SLCO3A1: variants seen among roughly 807,000 people sequenced by gnomAD.
SLCO3A1 encodes the protein solute carrier organic anion transporter family member 3A1.
A neutral mutation model predicts 63.1 loss-of-function variants in SLCO3A1; 27 were observed. The ratio of observed to expected loss-of-function variants is 0.43; its 90% CI spans 0.32 to 0.59. The LOEUF (loss-of-function observed/expected upper bound fraction) is 0.59. Among genes scored for constraint, SLCO3A1 ranks in the 20% least tolerant of loss-of-function variants. The pLI, the probability that SLCO3A1 is intolerant of heterozygous loss-of-function variation, is 0.09. For synonymous variants in SLCO3A1, 473 were observed against 409.9 expected (o/e 1.15, Z -1.86); for missense variants, 773 against 945.8 (o/e 0.82, Z 2.40).
At chr15:92,171,861 G>A in exon 11 of SLCO3A1, 1 of 1,550,876 alleles carries the variant, frequency 6.4e-7, no homozygotes, top group Non-Finnish European at 8.7e-7. Context: ...GTGAGAAGCT[G>A]AGGGCCTGGC....
In SLCO3A1 at chr15:92,092,163, C is replaced by T. The variant is rs1348175090; in HGVS notation, c.647-2718C>T. Reference sequence around the variant, plus strand: ...AGTCCTCACTTTCAACTGTACTGTCCCCAAGCATGGGGATAACAGCACAGT... The same window carrying T: ...AGTCCTCACTTTCAACTGTACTGTCTCCAAGCATGGGGATAACAGCACAGT... On this transcript the variant is annotated intron_variant, in intron 2 of 9. Transcript: ENST00000318445. 2.6e-5 allele frequency among the ~76,000 whole-genome samples: 4 copies of T among 152,138 alleles called. No homozygotes were observed. In the East Asian group the frequency reaches 7.7e-4, roughly 29 times the overall value.
chr15:91,879,039 C>T lies in SLCO3A1; in HGVS notation c.180+24951C>T, dbSNP rs542304677. 2.0e-5 allele frequency among the ~76,000 whole-genome samples: 3 copies of T among 152,302 alleles called. No homozygotes were observed. In the South Asian group the frequency reaches 6.2e-4, roughly 32 times the overall value. On this transcript the variant is annotated intron_variant, in intron 1 of 9. Transcript: ENST00000318445. ...AAGTACGTGACTCTATTTTGAAAAT[C>T]AGCCTGTGATCTGCACACTTGCTTC...
chr15:92,041,375 T>G (rs1374158037), intron 2 of SLCO3A1, among the ~76,000 whole-genome samples: 1 of 152,168 alleles, frequency 6.6e-6, no homozygotes, highest in Non-Finnish European at 1.5e-5. Context: ...CTAGAAGCCC[T>G]TTTTTGGGAG....
chr15:91,853,713 C>CGCGGCG lies in SLCO3A1; in HGVS notation c.-180_-175dup, dbSNP rs58284139. 2.5e-4 allele frequency: 86 copies of CGCGGCG among 341,946 alleles called. 3 individuals carry two copies. The highest frequency in any genetic ancestry group is 1.2e-3 in the Middle Eastern group (1 of 814). The allele number at this position is 341,946 out of a possible 1,614,324, so 21.2% of individuals were successfully genotyped here. On this transcript the variant is annotated 5_prime_UTR_variant, in exon 1 of 10. Coordinates refer to ENST00000318445, the MANE Select transcript of SLCO3A1 (RefSeq NM_013272.4). ...GGGAGGAGGAGGAGGAAGGGGCGATCGCGGCGGCGGCGGCGGCGGCGAGGA... is the reference window on the plus strand; with the variant it reads ...GGGAGGAGGAGGAGGAAGGGGCGATCGCGGCGGCGGCGGCGGCGGCGGCGGCGAGGA...
intron 2 of SLCO3A1, among the ~76,000 whole-genome samples, chr15:92,081,347 T>TC (rs2151523919): frequency 1.3e-5 from 2 of 151,960 alleles, no homozygotes; most frequent in East Asian, 3.9e-4. Context: ...GGTGCTTTTT[T>TC]TTTTCTTTTT....
intron 2 of SLCO3A1, among the ~76,000 whole-genome samples, chr15:91,928,672 G>A (rs774729217): frequency 2.0e-5 from 3 of 152,354 alleles, no homozygotes; most frequent in East Asian, 1.9e-4. Flanking sequence ...GTATGAAATG[G>A]TGAGGCGTTT....
At position 91,854,242 on chromosome 15, in the gene SLCO3A1, C is replaced by T; in HGVS notation, c.180+154C>T. On this transcript the variant is annotated intron_variant, in intron 1 of 9. Coordinates refer to ENST00000318445, the MANE Select transcript of SLCO3A1 (RefSeq NM_013272.4). The surrounding 1 kb of genome is among the most constrained non-coding windows in gnomAD (Gnocchi z 6.4). ...TGGCGAGTGGTGCAGAGGCGGCCGC[C>T]GGGGGAGCTGCCGGCCGGGGCTGCC... 9.3e-7 allele frequency: 1 copy of T among 1,075,540 alleles called. No individual in the cohort carries two copies. The allele number at this position is 1,075,540 out of a possible 1,614,324, so 66.6% of individuals were successfully genotyped here.
intron 4 of SLCO3A1, among the ~76,000 whole-genome samples, chr15:92,110,665 T>C (rs1334342457): frequency 6.6e-6 from 1 of 152,220 alleles, no homozygotes; most frequent in East Asian, 1.9e-4. Context: ...AATTTTCCTT[T>C]ATATGTGTGA....
At chr15:92,028,028 A>G (rs1235662488) in intron 2 of SLCO3A1, among the ~76,000 whole-genome samples, 1 of 152,154 alleles carries the variant, frequency 6.6e-6, no homozygotes, top group African/African-American at 2.4e-5. Flanking sequence ...TCTTCCCTAG[A>G]ATTTCTGCCG....
intron 2 of SLCO3A1, among the ~76,000 whole-genome samples, chr15:92,026,037 T>C (rs1221964597): frequency 6.6e-6 from 1 of 152,244 alleles, no homozygotes; most frequent in Admixed American, 6.5e-5. Flanking sequence ...AGCGCATCCC[T>C]GAGAGCTCTG....
At position 92,095,501 on chromosome 15, in the gene SLCO3A1, C is replaced by T. The variant is rs567458937; in HGVS notation, c.745+522C>T. Among the ~76,000 whole-genome samples, 10 of 152,294 alleles carry T rather than the reference C, an allele frequency of 6.6e-5. No homozygotes were observed. The South Asian group carries it at 2.1e-3, about 32-fold the overall frequency. ...GGTGGCCTTTGTGAGGAAATATCCA[C>T]ATTCAAAACCATTTTAAGCAGAACC... On this transcript the variant is annotated intron_variant, in intron 3 of 9. Coordinates refer to ENST00000318445, the MANE Select transcript of SLCO3A1 (RefSeq NM_013272.4).
At chr15:92,032,611 T>C (rs925874) in intron 2 of SLCO3A1, among the ~76,000 whole-genome samples, 119,987 of 152,044 alleles carry the variant, frequency 0.79, 47,950 homozygotes, top group East Asian at 0.98. Flanking sequence ...CTTTGGGTAG[T>C]GGAGGTGCTC....
intron 5 of SLCO3A1, among the ~76,000 whole-genome samples, chr15:92,122,353 C>A (rs2047872839): frequency 1.3e-5 from 2 of 152,210 alleles, no homozygotes; most frequent in African/African-American, 4.8e-5. Flanking sequence ...GAAGGTGATG[C>A]TTTCTGATCT....
At chr15:91,966,695 A>G (rs1435034587) in intron 2 of SLCO3A1, among the ~76,000 whole-genome samples, 1 of 152,236 alleles carries the variant, frequency 6.6e-6, no homozygotes, top group African/African-American at 2.4e-5. Context: ...TAGGAGCAGT[A>G]ACCATTCTCA....
intron 2 of SLCO3A1, among the ~76,000 whole-genome samples, chr15:91,962,715 A>G (rs943957159): frequency 6.7e-4 from 102 of 151,926 alleles, no homozygotes; most frequent in African/African-American, 2.4e-3. Context: ...TGTCCAGTGC[A>G]CCCCATCCCC....
intron 6 of SLCO3A1, among the ~76,000 whole-genome samples, chr15:92,126,877 C>T (rs1164530707): frequency 6.6e-6 from 1 of 152,170 alleles, no homozygotes. Context: ...TCCCCTTTTC[C>T]ACATGGGACT....
At chr15:92,082,803 A>C (rs1354781451) in intron 2 of SLCO3A1, among the ~76,000 whole-genome samples, 2 of 152,208 alleles carry the variant, frequency 1.3e-5, no homozygotes, top group African/African-American at 2.4e-5. Flanking sequence ...GCTGATTCTC[A>C]CGCCTTCACC....
chr15:92,080,773 T>A (rs1232166200), intron 2 of SLCO3A1, among the ~76,000 whole-genome samples: 1 of 152,236 alleles, frequency 6.6e-6, no homozygotes, highest in Non-Finnish European at 1.5e-5. Flanking sequence ...TCTGTCACCA[T>A]GCTCAGTGAC....
chr15:92,151,372 A>C (rs767348842), intron 9 of SLCO3A1, among the ~76,000 whole-genome samples: 13 of 152,204 alleles, frequency 8.5e-5, no homozygotes, highest in Non-Finnish European at 1.3e-4. Flanking sequence ...TGGGGCCGCC[A>C]GCTGGGAGAG....
Sources: allele counts gnomAD v4.1 joint callset (sites outside exome capture counted in the v4.1 genomes callset), GRCh38; gene constraint gnomAD v4.1.1; non-coding constraint Gnocchi (gnomAD v3.1); transcripts MANE v1.5; gene names NCBI Gene and HGNC (gene_info 2026-07-23, HGNC 2026-07-21).